The following ZNF804B variants were observed in gnomAD, a reference collection of about 807,000 sequenced individuals.
The protein encoded by ZNF804B is zinc finger protein 804B.
In ZNF804B, 80 loss-of-function variants were observed where a neutral mutation model predicts 101.4. That is an observed-to-expected ratio of 0.79 (90% confidence interval 0.66 to 0.95). The LOEUF (loss-of-function observed/expected upper bound fraction) is 0.95. Ranked by LOEUF, ZNF804B falls within the 40% of genes least tolerant of loss-of-function variation. The pLI, the probability that ZNF804B is intolerant of heterozygous loss-of-function variation, is 0.00. For synonymous variants in ZNF804B, 622 were observed against 558.8 expected (o/e 1.11, Z -1.59); for missense variants, 1,673 against 1,561.9 (o/e 1.07, Z -1.20).
chr7:89,326,273 G>C (rs1790894338), intron 2 of ZNF804B, among the ~76,000 whole-genome samples: 1 of 151,926 alleles, frequency 6.6e-6, no homozygotes, highest in African/African-American at 2.4e-5. Flanking sequence ...AGACCGATCT[G>C]CCTTCTTCTT....
chr7:89,019,072 A>T (rs939477517), intron 1 of ZNF804B, among the ~76,000 whole-genome samples: 1 of 151,722 alleles, frequency 6.6e-6, no homozygotes, highest in Admixed American at 6.6e-5. Flanking sequence ...GAGCATTGTT[A>T]GTTTGTTTGT....
At chr7:89,251,386 A>C (rs1357282679) in intron 2 of ZNF804B, among the ~76,000 whole-genome samples, 4 of 152,200 alleles carry the variant, frequency 2.6e-5, no homozygotes, top group Non-Finnish European at 4.4e-5. Context: ...CTAGGAATAC[A>C]TCTAACCAAG....
At chr7:89,075,877 G>A (rs1046950789) in intron 1 of ZNF804B, among the ~76,000 whole-genome samples, 2 of 152,198 alleles carry the variant, frequency 1.3e-5, no homozygotes, top group East Asian at 1.9e-4. Context: ...ATGACCTGAT[G>A]TCAAAGGAGA....
intron 1 of ZNF804B, among the ~76,000 whole-genome samples, chr7:88,853,943 T>C (rs1290844579): frequency 6.6e-6 from 1 of 152,150 alleles, no homozygotes; most frequent in South Asian, 2.1e-4. Context: ...TCGAGGGCTG[T>C]TAAAATTAGA....
chr7:89,196,198 A>G (rs1184901363), intron 1 of ZNF804B, among the ~76,000 whole-genome samples: 2 of 152,180 alleles, frequency 1.3e-5, no homozygotes, highest in African/African-American at 4.8e-5. Flanking sequence ...TACCAGTATT[A>G]AAACAGACCC....
intron 1 of ZNF804B, among the ~76,000 whole-genome samples, chr7:88,814,301 G>T (rs188596158): frequency 1.0e-3 from 158 of 152,206 alleles, no homozygotes; most frequent in Admixed American, 7.1e-3. Context: ...ATGCATGAAA[G>T]AATGTAGACT....
intron 2 of ZNF804B, among the ~76,000 whole-genome samples, chr7:89,244,420 CAT>C (rs1190077363): frequency 1.3e-5 from 2 of 151,990 alleles, no homozygotes; most frequent in Non-Finnish European, 2.9e-5. Flanking sequence ...TGAAAAATCA[CAT>C]AAACACTTCC....
At chr7:88,790,570 T>A (rs1037854855) in intron 1 of ZNF804B, among the ~76,000 whole-genome samples, 4 of 152,102 alleles carry the variant, frequency 2.6e-5, no homozygotes, top group African/African-American at 9.7e-5. Flanking sequence ...ATGCCCTCCC[T>A]TCTCCATCCA....
chr7:89,186,754 C>G (rs888871712), intron 1 of ZNF804B, among the ~76,000 whole-genome samples: 3 of 151,974 alleles, frequency 2.0e-5, no homozygotes, highest in African/African-American at 7.3e-5. Flanking sequence ...GTAATCTGTT[C>G]TTGATTTTAA....
chr7:89,287,067 A>T (rs1450762507), intron 2 of ZNF804B, among the ~76,000 whole-genome samples: 1 of 152,180 alleles, frequency 6.6e-6, no homozygotes, highest in East Asian at 1.9e-4. Context: ...AATGAATAGT[A>T]AATATATTTT....
chr7:89,265,198 A>G (rs1228119809), intron 2 of ZNF804B, among the ~76,000 whole-genome samples: 2 of 152,202 alleles, frequency 1.3e-5, no homozygotes, highest in Non-Finnish European at 1.5e-5. Context: ...AGGGTGAAGA[A>G]AAGTGAAGCA....
chr7:89,050,560 A>C (rs1388026071), intron 1 of ZNF804B, among the ~76,000 whole-genome samples: 1 of 152,112 alleles, frequency 6.6e-6, no homozygotes, highest in Admixed American at 6.6e-5. Flanking sequence ...GTCCATCAGG[A>C]CTCAATTGTG....
chr7:89,271,869 A>C (rs943825738), intron 2 of ZNF804B, among the ~76,000 whole-genome samples: 1 of 152,038 alleles, frequency 6.6e-6, no homozygotes, highest in Non-Finnish European at 1.5e-5. Flanking sequence ...AGGTGTTTTT[A>C]GTATTCTCTA....
rs751574206 is a variant in ZNF804B at position 89,336,593 on chromosome 7, C to T, written c.3611C>T (p.Thr1204Ile). ...CAGACAGTTCCAGTTCACCAGCACA[C>T]TTCTATCACCACCATCCACCACACG... ...TVQTVPVHQH[T>I]SITTIHHTFL... is the part of the protein sequence containing the mutation. Residue 1204 changes from threonine (T) to isoleucine (I), a missense_variant, in exon 4 of 4, where the codon ACT becomes ATT. By Grantham distance (89) the Thr-to-Ile change is moderately conservative (BLOSUM62 -1). Coordinates refer to ENST00000333190, the MANE Select transcript of ZNF804B (RefSeq NM_181646.5). 6 of 1,614,128 alleles carry T rather than the reference C, an allele frequency of 3.7e-6. No homozygotes were observed. Among genetic ancestry groups the T allele is most frequent in the Non-Finnish European group, 4.2e-6 (5 of 1,180,022 alleles).
chr7:88,955,717 AAC>A (rs1793295356), intron 1 of ZNF804B, among the ~76,000 whole-genome samples: 1 of 151,626 alleles, frequency 6.6e-6, no homozygotes, highest in African/African-American at 2.4e-5. Context: ...AGACCTGGGA[AAC>A]ACAGACAGCA....
chr7:88,995,012 T>C (rs1219024035), intron 1 of ZNF804B, among the ~76,000 whole-genome samples: 2 of 152,204 alleles, frequency 1.3e-5, no homozygotes, highest in South Asian at 4.1e-4. Context: ...TGTTATGTCA[T>C]TGGCTTTGTT....
intron 1 of ZNF804B, among the ~76,000 whole-genome samples, chr7:89,113,591 C>T (rs557490438): frequency 2.4e-4 from 37 of 152,230 alleles, no homozygotes; most frequent in African/African-American, 8.4e-4. Context: ...CCATCAGTCT[C>T]ATTATTTAGC....
At chr7:89,146,686 A>G (rs1790794536) in intron 1 of ZNF804B, among the ~76,000 whole-genome samples, 1 of 152,032 alleles carries the variant, frequency 6.6e-6, no homozygotes, top group Non-Finnish European at 1.5e-5. Flanking sequence ...CAGTCGAATT[A>G]GGATAAAAAG....
At position 89,183,046 on chromosome 7, in the gene ZNF804B, T is replaced by A. The variant is rs530051426; in HGVS notation, c.109-35109T>A. 3.3e-5 allele frequency among the ~76,000 whole-genome samples: 5 copies of A among 152,306 alleles called. No homozygotes were observed. In the East Asian group the frequency reaches 9.7e-4, roughly 29 times the overall value. ...AAGAATAAAATACAATGGGGGCTCATGTCTGGTAAAAATTAGTTTTGGCAA... is the reference window on the plus strand; with the variant it reads ...AAGAATAAAATACAATGGGGGCTCAAGTCTGGTAAAAATTAGTTTTGGCAA... On this transcript the variant is annotated intron_variant, in intron 1 of 3. Transcript: ENST00000333190.
Sources: allele counts gnomAD v4.1 joint callset (sites outside exome capture counted in the v4.1 genomes callset), GRCh38; gene constraint gnomAD v4.1.1; transcripts MANE v1.5; gene names NCBI Gene and HGNC (gene_info 2026-07-23, HGNC 2026-07-21).